The following GMDS variants were observed in gnomAD, a reference collection of about 807,000 sequenced individuals.
GMDS encodes the protein GDP-mannose 4,6 dehydratase.
GMDS carries 20 observed loss-of-function variants against 49.9 expected under a neutral mutation model. The observed-to-expected ratio is 0.40, with a 90% CI of 0.28 to 0.58. The LOEUF is 0.58. Ranked by LOEUF, GMDS falls within the 20% of genes least tolerant of loss-of-function variation. The pLI is 0.42. For missense variants in GMDS, 362 were observed against 481.4 expected (o/e 0.75, Z 2.32); for synonymous variants, 177 against 178.6 (o/e 0.99, Z 0.07).
intron 7 of GMDS, among the ~76,000 whole-genome samples, chr6:1,850,377 T>C (rs1228703203): frequency 2.0e-5 from 3 of 152,242 alleles, no homozygotes; most frequent in Non-Finnish European, 4.4e-5. Context: ...AACTTTTATC[T>C]AGGCCACTAA....
intron 4 of GMDS, among the ~76,000 whole-genome samples, chr6:2,020,876 T>G (rs765843667): frequency 1.3e-5 from 2 of 152,238 alleles, no homozygotes; most frequent in African/African-American, 4.8e-5. Flanking sequence ...AAACAGCACA[T>G]GCAGGGTTAC....
Position 1,896,245 on chromosome 6 carries a change from C to T in GMDS, c.771+33858G>A, listed in dbSNP as rs530889205. Among the ~76,000 whole-genome samples the T allele has an allele frequency of 1.6e-3, 239 of 152,288 alleles. 1 individual carries two copies. Among genetic ancestry groups the T allele is most frequent in the Middle Eastern group, 3.4e-3 (1 of 294 alleles). On this transcript the variant is annotated intron_variant, in intron 7 of 10. Coordinates refer to ENST00000380815, the MANE Select transcript of GMDS (RefSeq NM_001500.4). ...GGCCTCAACCCATTAGATATGTGCA[C>T]TCCCCCTAAAAACTGTCGCCAGACA...
At chr6:1,776,144 G>A (rs951464259) in intron 7 of GMDS, among the ~76,000 whole-genome samples, 1 of 152,102 alleles carries the variant, frequency 6.6e-6, no homozygotes, top group Non-Finnish European at 1.5e-5. Context: ...ATCCGGAGTT[G>A]ACTATACACC....
intron 1 of GMDS, among the ~76,000 whole-genome samples, chr6:2,221,690 A>G (rs979045972): frequency 1.3e-5 from 2 of 152,210 alleles, no homozygotes; most frequent in African/African-American, 4.8e-5. Flanking sequence ...GCCCGGCCTT[A>G]AAATGTTCTT....
At chr6:1,659,664 C>T (rs1335006875) in intron 9 of GMDS, among the ~76,000 whole-genome samples, 1 of 152,120 alleles carries the variant, frequency 6.6e-6, no homozygotes, top group Non-Finnish European at 1.5e-5. Context: ...CACTGCCCCC[C>T]TGCCCCATAC....
intron 4 of GMDS, among the ~76,000 whole-genome samples, chr6:2,111,412 A>G (rs1353490512): frequency 6.6e-6 from 1 of 152,236 alleles, no homozygotes; most frequent in African/African-American, 2.4e-5. Context: ...TTCATGAGTC[A>G]TAATTTTTCT....
Position 1,835,734 on chromosome 6 carries a change from TA to T in GMDS, c.772-93149del, listed in dbSNP as rs1756892790. 2.0e-5 allele frequency among the ~76,000 whole-genome samples: 3 copies of T among 152,216 alleles called. No individual in the cohort carries two copies. The South Asian group carries it at 6.2e-4, about 32-fold the overall frequency. Reference sequence around the variant, plus strand: ...CTGCACATAATAAGTGCATTTGGAGTAAAACAATTCTTTAAGATATCAATTT... The same window carrying T: ...CTGCACATAATAAGTGCATTTGGAGTAAACAATTCTTTAAGATATCAATTT... On this transcript the variant is annotated intron_variant, in intron 7 of 10. Coordinates refer to ENST00000380815, the MANE Select transcript of GMDS (RefSeq NM_001500.4).
intron 6 of GMDS, among the ~76,000 whole-genome samples, chr6:1,932,195 T>A (rs1762317655): frequency 6.6e-6 from 1 of 152,152 alleles, no homozygotes; most frequent in Non-Finnish European, 1.5e-5. Flanking sequence ...AGGAAGGGCC[T>A]TTCTCTTCCA....
At chr6:1,775,977 A>G (rs190593455) in intron 7 of GMDS, among the ~76,000 whole-genome samples, 9 of 152,292 alleles carry the variant, frequency 5.9e-5, no homozygotes, top group Admixed American at 1.3e-4. Context: ...TTTTATGATA[A>G]TATTCTACTG....
At chr6:2,077,350 T>C (rs1379867558) in intron 4 of GMDS, among the ~76,000 whole-genome samples, 1 of 152,158 alleles carries the variant, frequency 6.6e-6, no homozygotes, top group Non-Finnish European at 1.5e-5. Flanking sequence ...GGCATCCTGG[T>C]ATTGTTTCTG....
At chr6:2,196,012 T>C (rs1779261897) in intron 1 of GMDS, among the ~76,000 whole-genome samples, 1 of 152,104 alleles carries the variant, frequency 6.6e-6, no homozygotes, top group African/African-American at 2.4e-5. Context: ...GGGGACTGAT[T>C]TCAGCCAAAA....
At chr6:2,165,171 C>T (rs1777601457) in intron 1 of GMDS, among the ~76,000 whole-genome samples, 1 of 152,178 alleles carries the variant, frequency 6.6e-6, no homozygotes, top group South Asian at 2.1e-4. Flanking sequence ...CCTCTAGAAC[C>T]ACTCCCAGTA....
chr6:1,710,949 A>G (rs116319917), intron 9 of GMDS, among the ~76,000 whole-genome samples: 2,690 of 152,334 alleles, frequency 0.018, 77 homozygotes, highest in African/African-American at 0.062. Context: ...GAACATTTAC[A>G]AAATACGTAC....
intron 7 of GMDS, among the ~76,000 whole-genome samples, chr6:1,906,627 G>A (rs3800125): frequency 0.91 from 138,915 of 152,222 alleles, 64,029 homozygotes; most frequent in Non-Finnish European, 0.98. Flanking sequence ...TTAGTGGGGT[G>A]TGAAGCCCAA....
At chr6:1,765,794 C>A (rs886942012) in intron 7 of GMDS, among the ~76,000 whole-genome samples, 2 of 152,128 alleles carry the variant, frequency 1.3e-5, no homozygotes, top group African/African-American at 4.8e-5. Context: ...AGACACTCCC[C>A]GATGGAGGGT....
intron 7 of GMDS, among the ~76,000 whole-genome samples, chr6:1,853,323 C>G (rs1289114165): frequency 6.6e-6 from 1 of 151,028 alleles, no homozygotes; most frequent in African/African-American, 2.4e-5. Flanking sequence ...TCGAGACCAT[C>G]CTGGCTAAAA....
intron 7 of GMDS, among the ~76,000 whole-genome samples, chr6:1,895,386 T>C (rs1259563900): frequency 6.6e-6 from 1 of 152,206 alleles, no homozygotes. Context: ...CAAGCTATCA[T>C]GTGTAGTGGG....
chr6:1,885,297 GA>G (rs1160096523), intron 7 of GMDS, among the ~76,000 whole-genome samples: 1 of 152,130 alleles, frequency 6.6e-6, no homozygotes, highest in Non-Finnish European at 1.5e-5. Context: ...TTCTCATTTT[GA>G]AGTTGAAAAA....
chr6:1,624,815 G>T, intron 9 of GMDS: 2 of 263,274 alleles, frequency 7.6e-6, no homozygotes, highest in African/African-American at 2.5e-5. Context: ...GGCGTCCCTT[G>T]GGCTCTTAAT....
Sources: allele counts gnomAD v4.1 joint callset (sites outside exome capture counted in the v4.1 genomes callset), GRCh38; gene constraint gnomAD v4.1.1; transcripts MANE v1.5; gene names NCBI Gene and HGNC (gene_info 2026-07-23, HGNC 2026-07-21).